Variants in BRD10 observed in about 807,000 individuals in gnomAD.
BRD10 encodes the protein bromodomain containing 10.
At chr9:5,983,962 TACACACACACAC>T in the BRD10 span, among the ~76,000 whole-genome samples, 120 of 129,724 alleles carry the variant, frequency 9.3e-4, no homozygotes, top group South Asian at 8.2e-3. Context: ...GTATATGCAT[TACACACACACAC>T]ACACACACAC....
chr9:5,914,688 G>C, the BRD10 span, among the ~76,000 whole-genome samples: 1 of 152,038 alleles, frequency 6.6e-6, no homozygotes, highest in Non-Finnish European at 1.5e-5. Context: ...CTCCCAAAGT[G>C]CTGGGATTAC....
At chr9:5,906,957 G>A in the BRD10 span, 3 of 1,599,954 alleles carry the variant, frequency 1.9e-6, no homozygotes, top group African/African-American at 1.4e-5. Flanking sequence ...TGATCATCGG[G>A]ACAGCAAAGT....
the BRD10 span, chr9:6,008,034 C>T: frequency 1.7e-5 from 20 of 1,164,064 alleles, no homozygotes; most frequent in African/African-American, 3.2e-5. Context: ...CCTCCTCTCC[C>T]CTCCCCCCCG....
chr9:5,907,969 A>G, the BRD10 span, among the ~76,000 whole-genome samples: 4 of 152,048 alleles, frequency 2.6e-5, no homozygotes, highest in Non-Finnish European at 5.9e-5. Flanking sequence ...TAAATAAATA[A>G]AATAAAATTA....
the BRD10 span, among the ~76,000 whole-genome samples, chr9:5,935,018 T>G: frequency 6.6e-5 from 10 of 152,330 alleles, no homozygotes; most frequent in South Asian, 1.9e-3. Context: ...TCCTGCATAT[T>G]CACAGTTTTG....
chr9:5,987,182 T>C, the BRD10 span, among the ~76,000 whole-genome samples: 1 of 152,176 alleles, frequency 6.6e-6, no homozygotes, highest in Non-Finnish European at 1.5e-5. Context: ...TTTTTTTTTA[T>C]CTTATTGTTT....
the BRD10 span, among the ~76,000 whole-genome samples, chr9:5,939,577 TTCTC>T: frequency 1.3e-5 from 2 of 152,198 alleles, no homozygotes. Context: ...TGTAATAGAA[TTCTC>T]TCTATGATGG....
At chr9:5,976,408 CAG>C in the BRD10 span, among the ~76,000 whole-genome samples, 549 of 152,202 alleles carry the variant, frequency 3.6e-3, 1 homozygote, top group Middle Eastern at 0.01. Context: ...AAATTTAATT[CAG>C]AGTTTGTTTA....
the BRD10 span, among the ~76,000 whole-genome samples, chr9:5,987,723 T>C: frequency 7.9e-5 from 12 of 152,242 alleles, no homozygotes; most frequent in Admixed American, 7.9e-4. Flanking sequence ...AGTTCGCAAT[T>C]TGATTTAGTA....
chr9:5,974,158 C>T, the BRD10 span, among the ~76,000 whole-genome samples: 1 of 152,030 alleles, frequency 6.6e-6, no homozygotes, highest in Non-Finnish European at 1.5e-5. Context: ...GGACAGATTA[C>T]GTATACAGGA....
At chr9:5,895,980 T>C in the BRD10 span, among the ~76,000 whole-genome samples, 1 of 152,214 alleles carries the variant, frequency 6.6e-6, no homozygotes, top group African/African-American at 2.4e-5. Context: ...GGGAGTTGAA[T>C]CAGCTGCCTT....
chr9:5,943,754 ATT>A, the BRD10 span, among the ~76,000 whole-genome samples: 1 of 152,174 alleles, frequency 6.6e-6, no homozygotes, highest in Non-Finnish European at 1.5e-5. Flanking sequence ...ACTTTTCCAC[ATT>A]CTCAAGTTAA....
chr9:5,946,280 A>G, the BRD10 span, among the ~76,000 whole-genome samples: 1 of 152,132 alleles, frequency 6.6e-6, no homozygotes, highest in Admixed American at 6.6e-5. Context: ...AATTCATAGA[A>G]TTGACCAAGT....
chr9:5,912,795 T>C, the BRD10 span, among the ~76,000 whole-genome samples: 2 of 152,220 alleles, frequency 1.3e-5, no homozygotes, highest in Non-Finnish European at 2.9e-5. Context: ...GGTAATGGCA[T>C]GGCACTGCTT....
chr9:5,950,546 G>T, the BRD10 span, among the ~76,000 whole-genome samples: 1 of 152,102 alleles, frequency 6.6e-6, no homozygotes, highest in African/African-American at 2.4e-5. Flanking sequence ...CAGATTACTG[G>T]TACCCACTGA....
At chr9:5,897,591 G>A in the BRD10 span, 1 of 1,614,148 alleles carries the variant, frequency 6.2e-7, no homozygotes, top group Non-Finnish European at 8.5e-7. Flanking sequence ...AGTGATCCTG[G>A]GAGTCTTACT....
the BRD10 span, chr9:5,945,002 T>C: frequency 7.3e-6 from 7 of 956,984 alleles, no homozygotes; most frequent in East Asian, 2.9e-5. Flanking sequence ...ACACATAATA[T>C]AAAACACCCA....
chr9:5,923,757 A>C, the BRD10 span, among the ~76,000 whole-genome samples: 2 of 152,204 alleles, frequency 1.3e-5, no homozygotes, highest in Non-Finnish European at 2.9e-5. Flanking sequence ...AGGACAAAAA[A>C]TATCCAGCTT....
At chr9:5,897,133 G>C in the BRD10 span, among the ~76,000 whole-genome samples, 1 of 152,342 alleles carries the variant, frequency 6.6e-6, no homozygotes, top group Admixed American at 6.5e-5. Flanking sequence ...GTTTAGCACA[G>C]CACCTGGCTT....
Sources: gnomAD v4.1 joint callset for allele counts (sites outside exome capture counted in the v4.1 genomes callset) on GRCh38, gnomAD v4.1.1 for gene constraint, MANE v1.5 for transcripts, NCBI Gene and HGNC (gene_info 2026-07-23, HGNC 2026-07-21) for gene names.